The following MYO9B variants were observed in gnomAD, a reference collection of about 807,000 sequenced individuals.
The protein encoded by MYO9B is myosin IXB, also known as unconventional myosin-IXb.
In MYO9B, 71 loss-of-function variants were observed where a neutral mutation model predicts 229.5. The ratio of observed to expected loss-of-function variants is 0.31; its 90% CI spans 0.26 to 0.38. The LOEUF is 0.38. Ranked by LOEUF, MYO9B falls within the 10% of genes least tolerant of loss-of-function variation. The probability of loss-of-function intolerance (pLI) is 1.00; values close to 1 mark genes in which losing one functional copy is unlikely to be tolerated. For synonymous variants in MYO9B, 1,185 were observed against 1,235.8 expected (o/e 0.96, Z 0.86); for missense variants, 2,255 against 2,920.5 (o/e 0.77, Z 5.25).
intron 2 of MYO9B, among the ~76,000 whole-genome samples, chr19:17,114,928 T>C (rs2145095375): frequency 8.6e-6 from 1 of 116,450 alleles, no homozygotes; most frequent in South Asian, 2.6e-4. Flanking sequence ...TTTCCCCTTT[T>C]TTTTTTTTTT....
intron 6 of MYO9B, 90 bp downstream of exon 6, chr19:17,154,505 C>A: frequency 1.0e-6 from 1 of 982,318 alleles, no homozygotes; most frequent in Non-Finnish European, 1.5e-6. Context: ...TAACCTGCAA[C>A]CCAGTGAAAA....
intron 23 of MYO9B, 120 bp from the exon 24 acceptor site, chr19:17,198,062 CAA>C (rs376329870): frequency 2.4e-3 from 2,766 of 1,147,840 alleles, no homozygotes; most frequent in Non-Finnish European, 2.6e-3. Flanking sequence ...GACTCCGTTT[CAA>C]AAAAAAAAAA....
Position 17,181,006 on chromosome 19 carries a change from C to A in MYO9B, c.2299C>A (p.Leu767Ile). The A allele has an allele frequency of 6.2e-7, 1 of 1,611,112 alleles. No individual in the cohort carries two copies. The highest frequency in any genetic ancestry group is 8.5e-7 in the Non-Finnish European group (1 of 1,178,838). ...GEDPRSLLQSLSRLQKPRAFI... is the reference protein window; with the variant it reads ...GEDPRSLLQSISRLQKPRAFI... ...GGACCCCCGTAGCCTTCTCCAGTCC[C>A]TCAGTCGGCTCCAGAAACCCCGCGC... Residue 767 changes from leucine to isoleucine, a missense_variant, in exon 15 of 40, where the codon CTC becomes ATC. Coordinates refer to ENST00000682292, the MANE Select transcript of MYO9B (RefSeq NM_004145.4).
chr19:17,179,178 C>G (rs966739446), intron 14 of MYO9B, among the ~76,000 whole-genome samples: 1 of 152,130 alleles, frequency 6.6e-6, no homozygotes, highest in African/African-American at 2.4e-5. Context: ...CCCCCACCCC[C>G]AAGTCATGGC....
intron 14 of MYO9B, among the ~76,000 whole-genome samples, chr19:17,179,410 G>A (rs1469100639): frequency 3.5e-5 from 5 of 141,898 alleles, no homozygotes; most frequent in African/African-American, 5.2e-5. Context: ...TTTCTGAGTC[G>A]CCCCAACTGA....
rs371450075 is a variant in MYO9B, at chr19:17,210,725, C to T, written c.5807C>T (p.Pro1936Leu). The T allele has an allele frequency of 1.7e-5, 26 of 1,549,766 alleles. No homozygotes were observed. Among genetic ancestry groups the T allele is most frequent in the South Asian group, 1.3e-4 (11 of 83,488 alleles). The stretch of plus-strand genomic sequence containing the variant: ...GCTTCTTTGTTTCAGAACAAGAGCC[C>T]CAAGACCCGGGACATCCAGGAGGAG... ...SPYEGVLNKS[P>L]KTRDIQEEEL... Residue 1936 changes from proline to leucine, a missense_variant, in exon 38 of 40, where the codon CCC (proline) becomes CTC (leucine). Coordinates refer to ENST00000682292, the MANE Select transcript of MYO9B (RefSeq NM_004145.4).
At chr19:17,108,612 T>C (rs2057816128) in intron 2 of MYO9B, among the ~76,000 whole-genome samples, 1 of 152,226 alleles carries the variant, frequency 6.6e-6, no homozygotes, top group African/African-American at 2.4e-5. Context: ...AGAACAGCTG[T>C]CTTTGAGTTC....
intron 14 of MYO9B, among the ~76,000 whole-genome samples, chr19:17,179,904 A>G (rs2072836757): frequency 6.7e-6 from 1 of 150,050 alleles, no homozygotes. Context: ...GTTTCCAAAA[A>G]AAAATAAAAT....
At chr19:17,078,219 G>GC (rs2057503942) in intron 1 of MYO9B, among the ~76,000 whole-genome samples, 1 of 152,122 alleles carries the variant, frequency 6.6e-6, no homozygotes, top group African/African-American at 2.4e-5. Flanking sequence ...GCTAATGCCC[G>GC]CCCCCGACAA....
intron 2 of MYO9B, 79 bp from the exon 3 acceptor site, chr19:17,145,318 A>G: frequency 8.1e-7 from 1 of 1,233,532 alleles, no homozygotes; most frequent in South Asian, 1.2e-5. Flanking sequence ...ATATAAAAGC[A>G]CAGTGTAAAA....
At chr19:17,136,144 G>T (rs941675114) in intron 2 of MYO9B, among the ~76,000 whole-genome samples, 2 of 152,022 alleles carry the variant, frequency 1.3e-5, no homozygotes, top group Non-Finnish European at 2.9e-5. Context: ...TGAATTGAGG[G>T]TGACTGGGGA....
chr19:17,165,592 A>T (rs2072650606), intron 10 of MYO9B, among the ~76,000 whole-genome samples: 1 of 151,790 alleles, frequency 6.6e-6, no homozygotes, highest in African/African-American at 2.4e-5. Context: ...AAAAAATTTG[A>T]GATGGAGTTT....
chr19:17,151,289 A>G (rs2072474201), intron 3 of MYO9B, among the ~76,000 whole-genome samples: 2 of 144,064 alleles, frequency 1.4e-5, no homozygotes, highest in South Asian at 4.3e-4. Flanking sequence ...AAAAAAAAAA[A>G]GAAAGAAAGA....
intron 36 of MYO9B, 21 bp from the exon 37 acceptor site, chr19:17,210,312 C>G (rs761519686): frequency 6.3e-7 from 1 of 1,584,642 alleles, no homozygotes; most frequent in Non-Finnish European, 8.6e-7. Flanking sequence ...TGTGGTCACC[C>G]TGTGTTCATC....
rs373428398 is a variant in MYO9B, at chr19:17,108,701, T to G, written c.840+6144T>G. Among the ~76,000 whole-genome samples, 6 of 152,104 alleles carry G rather than the reference T, an allele frequency of 3.9e-5. No individual in the cohort carries two copies. The South Asian group carries it at 1.0e-3, about 26-fold the overall frequency. ...TCTGTGAGTTCTTTCTGTTCTGTGCTAACTTAAGAGTCATTTTCTTTTTTT... is the reference window on the plus strand; with the variant it reads ...TCTGTGAGTTCTTTCTGTTCTGTGCGAACTTAAGAGTCATTTTCTTTTTTT... On this transcript the variant is annotated intron_variant, in intron 2 of 39. Coordinates refer to ENST00000682292, the MANE Select transcript of MYO9B (RefSeq NM_004145.4).
chr19:17,138,155 G>C (rs12976424), intron 2 of MYO9B, among the ~76,000 whole-genome samples: 33,217 of 151,894 alleles, frequency 0.22, 4,488 homozygotes, highest in African/African-American at 0.39. Context: ...GTGGTGTTTG[G>C]TTTTCTGATC....
chr19:17,175,766 A>T, intron 14 of MYO9B, 25 bp downstream of exon 14: 1 of 1,535,338 alleles, frequency 6.5e-7, no homozygotes, highest in Non-Finnish European at 8.9e-7. Context: ...GATTTGCCCA[A>T]ACTGAAATCA....
chr19:17,210,977 CTTTTTTTTTT>C (rs35355662), intron 38 of MYO9B, 129 bp downstream of exon 38: 4 of 334,450 alleles, frequency 1.2e-5, no homozygotes, highest in East Asian at 8.2e-5. Context: ...GCAAACAACA[CTTTTTTTTTT>C]TTTTTTTTTT....
At chr19:17,199,423 G>A (rs185851971) in intron 24 of MYO9B, among the ~76,000 whole-genome samples, 1 of 151,906 alleles carries the variant, frequency 6.6e-6, no homozygotes, top group Non-Finnish European at 1.5e-5. Flanking sequence ...GCTTCTGTTT[G>A]GTATCCTTCT....
Sources: gnomAD v4.1 joint callset for allele counts (sites outside exome capture counted in the v4.1 genomes callset) on GRCh38, gnomAD v4.1.1 for gene constraint, MANE v1.5 for transcripts, NCBI Gene and HGNC (gene_info 2026-07-23, HGNC 2026-07-21) for gene names.